The following RBFOX3 variants were observed in gnomAD, a reference collection of about 807,000 sequenced individuals.
The protein encoded by RBFOX3 is RNA binding protein fox-1 homolog 3.
A neutral mutation model predicts 48.7 loss-of-function variants in RBFOX3; 17 were observed. The ratio of observed to expected loss-of-function variants is 0.35; its 90% CI spans 0.24 to 0.52. RBFOX3 has a LOEUF of 0.52. RBFOX3 is among the 20% of genes least tolerant of loss of function. RBFOX3 has a pLI of 0.94. For missense variants in RBFOX3, 382 were observed against 497.5 expected, an observed-to-expected ratio of 0.77 and a Z score of 2.21; for synonymous variants, 212 against 209.5, an observed-to-expected ratio of 1.01 and a Z score of -0.10.
chr17:79,617,892 G>A, the RBFOX3 span, among the ~76,000 whole-genome samples: 3 of 152,204 alleles, frequency 2.0e-5, no homozygotes, highest in East Asian at 1.9e-4. Context: ...CCACTGCCCC[G>A]CCGCCTCTTG....
chr17:79,160,655 C>G (rs1000828329), intron 4 of RBFOX3, among the ~76,000 whole-genome samples: 1 of 144,516 alleles, frequency 6.9e-6, no homozygotes. Flanking sequence ...TTCCCCCATT[C>G]ATTCATTCAT....
At chr17:79,412,097 G>A (rs527832320) in intron 2 of RBFOX3, among the ~76,000 whole-genome samples, 5 of 152,014 alleles carry the variant, frequency 3.3e-5, no homozygotes, top group African/African-American at 1.2e-4. Context: ...TACGTATGTG[G>A]GGTGGTGTGT....
chr17:79,512,312 A>G (rs11868921), intron 1 of RBFOX3, among the ~76,000 whole-genome samples: 51,964 of 96,186 alleles, frequency 0.54, 12,248 homozygotes, highest in East Asian at 0.68. Context: ...ATGGCCAGGG[A>G]ACACCCACCC....
At chr17:79,424,865 T>C (rs965394767) in intron 2 of RBFOX3, among the ~76,000 whole-genome samples, 3 of 151,986 alleles carry the variant, frequency 2.0e-5, no homozygotes, top group Admixed American at 6.5e-5. Context: ...CCTACCCATT[T>C]AGTCACCAAA....
At chr17:79,098,530 G>A (rs1352523408) in intron 9 of RBFOX3, 1 of 152,294 alleles carries the variant, frequency 6.6e-6, no homozygotes. Flanking sequence ...CAGCAGCTGG[G>A]GAGTGGCAGA....
the RBFOX3 span, among the ~76,000 whole-genome samples, chr17:79,640,777 A>C: frequency 6.6e-6 from 1 of 152,148 alleles, no homozygotes. Context: ...CTGGACTCTC[A>C]CCTCACTCCA....
intron 4 of RBFOX3, among the ~76,000 whole-genome samples, chr17:79,129,225 T>G (rs2038142756): frequency 1.3e-5 from 2 of 152,308 alleles, no homozygotes; most frequent in South Asian, 4.1e-4. Flanking sequence ...GTACATTATT[T>G]CATTTAATCT....
At chr17:79,485,171 C>T (rs1469986602) in intron 1 of RBFOX3, among the ~76,000 whole-genome samples, 3 of 152,116 alleles carry the variant, frequency 2.0e-5, no homozygotes, top group Non-Finnish European at 4.4e-5. Context: ...GGGGCTCTCA[C>T]CCTTCCTGAC....
At chr17:79,170,092 G>A (rs2048850844) in intron 4 of RBFOX3, among the ~76,000 whole-genome samples, 1 of 144,394 alleles carries the variant, frequency 6.9e-6, no homozygotes, top group Non-Finnish European at 1.5e-5. Context: ...AGGAAGGAAG[G>A]ATGGAAAGCA....
At chr17:79,538,696 G>A (rs782450021) in intron 1 of RBFOX3, among the ~76,000 whole-genome samples, 2 of 152,206 alleles carry the variant, frequency 1.3e-5, no homozygotes, top group African/African-American at 4.8e-5. Context: ...GATGAGATCG[G>A]CAGGAAACAG....
At chr17:79,182,458 C>A (rs998152275) in intron 4 of RBFOX3, among the ~76,000 whole-genome samples, 5 of 152,276 alleles carry the variant, frequency 3.3e-5, no homozygotes, top group African/African-American at 9.6e-5. Context: ...ACGAGGGAGT[C>A]CCCCTCTGTC....
At chr17:79,620,690 T>C in the RBFOX3 span, among the ~76,000 whole-genome samples, 7,674 of 149,740 alleles carry the variant, frequency 0.051, 616 homozygotes, top group African/African-American at 0.18. Context: ...CATGCACACA[T>C]GTGCCCATGC....
chr17:79,320,673 A>T (rs1466981990), intron 2 of RBFOX3, among the ~76,000 whole-genome samples: 1 of 151,142 alleles, frequency 6.6e-6, no homozygotes, highest in East Asian at 2.0e-4. Context: ...GTGGCTGCTC[A>T]CCACCCTCTG....
intron 4 of RBFOX3, among the ~76,000 whole-genome samples, chr17:79,178,401 G>GA (rs1374975006): frequency 1.3e-5 from 2 of 152,190 alleles, no homozygotes; most frequent in East Asian, 3.8e-4. Context: ...ACATGGCCAA[G>GA]AAAAGGGGTT....
the RBFOX3 span, among the ~76,000 whole-genome samples, chr17:79,626,722 G>T: frequency 2.0e-5 from 3 of 152,186 alleles, no homozygotes; most frequent in Admixed American, 2.0e-4. Context: ...CATCTCTACC[G>T]CATGTTTGCA....
chr17:79,357,609 C>G (rs570331829), intron 2 of RBFOX3, among the ~76,000 whole-genome samples: 11 of 151,586 alleles, frequency 7.3e-5, no homozygotes, highest in Admixed American at 2.6e-4. Context: ...CCAGCCTGGG[C>G]GACAGAGCAA....
chr17:79,378,375 A>G (rs1173519876), intron 2 of RBFOX3, among the ~76,000 whole-genome samples: 1 of 152,216 alleles, frequency 6.6e-6, no homozygotes, highest in African/African-American at 2.4e-5. Flanking sequence ...CTTTAGTAAC[A>G]CATGAGTTAG....
At chr17:79,092,087 C>T (rs959643390) in intron 14 of RBFOX3, 3 of 985,474 alleles carry the variant, frequency 3.0e-6, no homozygotes, top group Middle Eastern at 5.2e-4. Flanking sequence ...GTGCCTGGAG[C>T]CCCTCCCTCC....
rs925405286 is a variant in RBFOX3, at chr17:79,487,097, G to A, written c.-319-4499C>T. ...TGAGAGAGACCGAGGGAGGGAAGAG[G>A]AGGGAAGGAAGCCTCTGGGGATGAG... On this transcript the variant is annotated intron_variant, in intron 1 of 14. Transcript: ENST00000693108. 1.2e-4 allele frequency among the ~76,000 whole-genome samples: 18 copies of A among 152,374 alleles called. No individual in the cohort carries two copies. In the South Asian group the frequency reaches 2.1e-3, roughly 18 times the overall value.
Sources: allele counts gnomAD v4.1 joint callset (sites outside exome capture counted in the v4.1 genomes callset), GRCh38; gene constraint gnomAD v4.1.1; transcripts MANE v1.5; gene names NCBI Gene and HGNC (gene_info 2026-07-23, HGNC 2026-07-21).